Variants in SLC35G2 observed in about 807,000 individuals in gnomAD.
SLC35G2 encodes transmembrane protein 22.
In SLC35G2, 20 loss-of-function variants were observed where a neutral mutation model predicts 27.2. That is an observed-to-expected ratio of 0.74 (90% CI 0.52 to 1.07). SLC35G2 has a LOEUF of 1.07. Ranked by LOEUF, SLC35G2 falls within the 50% of genes least tolerant of loss-of-function variation. The pLI is 0.00. For missense variants in SLC35G2, 416 were observed against 493.3 expected, an observed-to-expected ratio of 0.84 and a Z score of 1.48; for synonymous variants, 148 against 165.3, an observed-to-expected ratio of 0.90 and a Z score of 0.80.
intron 1 of SLC35G2, among the ~76,000 whole-genome samples, chr3:136,853,220 C>T (rs1453021983): frequency 6.6e-6 from 1 of 151,990 alleles, no homozygotes; most frequent in South Asian, 2.1e-4. Context: ...CTCAGCCTCC[C>T]GAGTAGCTGG....
chr3:136,821,668 G>T (rs1161640789), intron 1 of SLC35G2, among the ~76,000 whole-genome samples: 1 of 152,172 alleles, frequency 6.6e-6, no homozygotes, highest in Non-Finnish European at 1.5e-5. Flanking sequence ...CTGTCCTCAG[G>T]TTATCTGCCT....
chr3:136,851,476 C>T (rs947547361), intron 1 of SLC35G2, among the ~76,000 whole-genome samples: 10 of 107,984 alleles, frequency 9.3e-5, no homozygotes, highest in Admixed American at 1.6e-4. Context: ...CCAGCCTGGG[C>T]GAAGAGTGAG....
chr3:136,820,522 A>C (rs1489988533), intron 1 of SLC35G2: 1 of 152,226 alleles, frequency 6.6e-6, no homozygotes, highest in Admixed American at 6.5e-5. Flanking sequence ...GGTACAGATA[A>C]GCATATGCAT....
At chr3:136,837,725 C>T (rs1490598286) in intron 1 of SLC35G2, 2 of 152,128 alleles carry the variant, frequency 1.3e-5, no homozygotes, top group Admixed American at 6.5e-5. Flanking sequence ...TTTGCATGCA[C>T]ATCCTTATAT....
At chr3:136,826,601 A>G (rs867563671) in intron 1 of SLC35G2, among the ~76,000 whole-genome samples, 6 of 152,160 alleles carry the variant, frequency 3.9e-5, no homozygotes, top group Middle Eastern at 6.8e-3. Context: ...TTTCTGTGGT[A>G]TCAGTTGTAA....
At chr3:136,823,726 G>A (rs2107994633) in intron 1 of SLC35G2, among the ~76,000 whole-genome samples, 1 of 151,536 alleles carries the variant, frequency 6.6e-6, no homozygotes, top group East Asian at 1.9e-4. Context: ...CTCCTGAGTA[G>A]CTGGGATTAC....
intron 1 of SLC35G2, chr3:136,820,410 C>T (rs1404285386): frequency 6.6e-6 from 1 of 152,250 alleles, no homozygotes; most frequent in African/African-American, 2.4e-5. Flanking sequence ...ATCTCCATGG[C>T]TGGTGGCCAG....
intron 1 of SLC35G2, among the ~76,000 whole-genome samples, chr3:136,845,180 G>A (rs556838631): frequency 3.9e-5 from 6 of 152,212 alleles, no homozygotes; most frequent in Admixed American, 3.9e-4. Context: ...CTGAATGGTA[G>A]GATTATGAGT....
Position 136,822,311 on chromosome 3 carries a change from CTT to C in SLC35G2, c.-19+2687_-19+2688del, listed in dbSNP as rs552777068. Among the ~76,000 whole-genome samples, 9 of 152,168 alleles carry C rather than the reference CTT, an allele frequency of 5.9e-5. No homozygotes were observed. In the South Asian group the frequency reaches 1.7e-3, roughly 28 times the overall value. Reference sequence around the variant, plus strand: ...CTCTGGTAACCACCATCCTTCTACTCTTTTTCTTTTTTTGAGATTGAGTCTTG... The same window carrying C: ...CTCTGGTAACCACCATCCTTCTACTCTTTCTTTTTTTGAGATTGAGTCTTG... On this transcript the variant is annotated intron_variant, in intron 1 of 1. Transcript: ENST00000446465.
Position 136,854,983 on chromosome 3 carries a change from A to G in SLC35G2, c.523A>G (p.Asn175Asp), listed in dbSNP as rs544963160. 1.2e-6 allele frequency: 2 copies of G among 1,614,156 alleles called. No homozygotes were observed. Among genetic ancestry groups the G allele is most frequent in the South Asian group, 1.1e-5 (1 of 91,084 alleles). The change falls in exon 2 of 2, where the codon AAT becomes GAT. Residue 175 changes from asparagine to aspartate, a missense_variant. Physicochemically the swap from Asn to Asp is conservative, Grantham distance 23 (BLOSUM62 1). Coordinates refer to ENST00000446465, the MANE Select transcript of SLC35G2 (RefSeq NM_025246.3). ...RLRLFFYGVC[N>D]VISITCAYTS... ...ACGACTCTTCTTTTATGGTGTATGC[A>G]ATGTCATTTCTATCACTTGTGCTTA...
chr3:136,829,634 T>G (rs1024368732), intron 1 of SLC35G2, among the ~76,000 whole-genome samples: 1 of 152,214 alleles, frequency 6.6e-6, no homozygotes. Context: ...CAACTTTTAT[T>G]TGTCTGGGAA....
At chr3:136,850,376 C>A (rs1036885748) in intron 1 of SLC35G2, among the ~76,000 whole-genome samples, 1 of 151,962 alleles carries the variant, frequency 6.6e-6, no homozygotes, top group Non-Finnish European at 1.5e-5. Flanking sequence ...TAAACTGTTA[C>A]AATGGGAGGA....
chr3:136,850,057 A>C (rs765390718), intron 1 of SLC35G2, among the ~76,000 whole-genome samples: 75 of 152,300 alleles, frequency 4.9e-4, no homozygotes, highest in Non-Finnish European at 9.4e-4. Flanking sequence ...CAGTGAGCTG[A>C]GATCATGCCA....
chr3:136,832,053 G>T (rs546202832), intron 1 of SLC35G2, among the ~76,000 whole-genome samples: 1 of 150,568 alleles, frequency 6.6e-6, no homozygotes, highest in Non-Finnish European at 1.5e-5. Flanking sequence ...TAGCTCTGTC[G>T]CCCAGGCTGG....
intron 1 of SLC35G2, among the ~76,000 whole-genome samples, chr3:136,836,044 G>C (rs937226414): frequency 2.0e-5 from 3 of 152,104 alleles, no homozygotes; most frequent in Admixed American, 1.3e-4. Flanking sequence ...TTAGAACCAA[G>C]ATCTGGATGC....
rs571299968 is a variant in SLC35G2, at chr3:136,819,610, T to C, written c.-37T>C. 1.3e-5 allele frequency: 2 copies of C among 152,272 alleles called. No individual in the cohort carries two copies. Among genetic ancestry groups the C allele is most frequent in the African/African-American group, 2.4e-5 (1 of 41,472 alleles). The allele number at this position is 152,272 out of a possible 1,614,324, so 9.4% of individuals were successfully genotyped here. A position where few individuals can be genotyped will look rare whatever the true frequency, so the allele number is the denominator to read the frequency against. ...GGGCTGTTGCTTTCCTCTCGCCCAG[T>C]AGCCAACCCAAGCAAGGGGTGAGTC... is the stretch of plus-strand genomic sequence containing the variant. On this transcript the variant is annotated 5_prime_UTR_variant, in exon 1 of 2. It removes the in-frame stop codon of an upstream open reading frame in the 5' UTR. Transcript: ENST00000446465.
intron 1 of SLC35G2, among the ~76,000 whole-genome samples, chr3:136,836,151 T>C (rs897828177): frequency 1.3e-5 from 2 of 151,878 alleles, no homozygotes; most frequent in Non-Finnish European, 1.5e-5. Context: ...CACACACCCC[T>C]ATATCTATTT....
intron 1 of SLC35G2, among the ~76,000 whole-genome samples, chr3:136,830,227 G>C (rs978086852): frequency 4.7e-5 from 7 of 149,254 alleles, no homozygotes; most frequent in African/African-American, 1.7e-4. Context: ...TCCTGCCTCA[G>C]CCTCCTGAGT....
intron 1 of SLC35G2, among the ~76,000 whole-genome samples, chr3:136,823,678 C>T (rs377172810): frequency 1.5e-3 from 231 of 152,060 alleles, no homozygotes; most frequent in South Asian, 0.014. Flanking sequence ...TCACTGCAAC[C>T]GCCGCCTCCC....
Sources: gnomAD v4.1 joint callset for allele counts (sites outside exome capture counted in the v4.1 genomes callset) on GRCh38, gnomAD v4.1.1 for gene constraint, MANE v1.5 for transcripts, NCBI Gene and HGNC (gene_info 2026-07-23, HGNC 2026-07-21) for gene names.